The following GRIP1 variants were observed in gnomAD, a reference collection of about 807,000 sequenced individuals.
GRIP1 encodes the protein glutamate receptor interacting protein 1, also known as glutamate receptor-interacting protein 1.
A neutral mutation model predicts 129.9 loss-of-function variants in GRIP1; 45 were observed. The ratio of observed to expected loss-of-function variants is 0.35; its 90% CI spans 0.27 to 0.44. The LOEUF (loss-of-function observed/expected upper bound fraction) is 0.44, where lower values mean the gene tolerates loss of function less well. Ranked by LOEUF, GRIP1 falls within the 20% of genes least tolerant of loss-of-function variation. GRIP1 has a pLI of 1.00. For missense variants in GRIP1, 1,196 were observed against 1,396.8 expected, an observed-to-expected ratio of 0.86 and a Z score of 2.29; for synonymous variants, 530 against 520.8, an observed-to-expected ratio of 1.02 and a Z score of -0.24.
chr12:66,962,598 C>A (rs969638549), intron 1 of GRIP1, among the ~76,000 whole-genome samples: 1 of 152,062 alleles, frequency 6.6e-6, no homozygotes, highest in East Asian at 1.9e-4. Flanking sequence ...TTAAAGAAGA[C>A]GACAGATAAA....
chr12:67,020,591 G>A (rs1045597596), intron 1 of GRIP1, among the ~76,000 whole-genome samples: 1 of 151,986 alleles, frequency 6.6e-6, no homozygotes, highest in Non-Finnish European at 1.5e-5. Flanking sequence ...GTTTTGTAGA[G>A]ATGGGATCTC....
chr12:67,005,827 G>A (rs1283446475), intron 1 of GRIP1, among the ~76,000 whole-genome samples: 3 of 152,186 alleles, frequency 2.0e-5, no homozygotes, highest in Non-Finnish European at 2.9e-5. Context: ...TGGTAAATCA[G>A]CATTAAAACA....
At chr12:66,879,366 A>G (rs1021529788) in intron 1 of GRIP1, among the ~76,000 whole-genome samples, 1 of 152,106 alleles carries the variant, frequency 6.6e-6, no homozygotes, top group Non-Finnish European at 1.5e-5. Flanking sequence ...AACTCCCTCG[A>G]TGAATCCACA....
intron 2 of GRIP1, among the ~76,000 whole-genome samples, chr12:66,550,613 C>G (rs1457992379): frequency 1.3e-5 from 2 of 152,146 alleles, no homozygotes; most frequent in Non-Finnish European, 2.9e-5. Flanking sequence ...TTTAGAAACT[C>G]TGACCTAGAA....
At chr12:66,623,763 A>G (rs1460049685) in intron 1 of GRIP1, among the ~76,000 whole-genome samples, 3 of 152,136 alleles carry the variant, frequency 2.0e-5, no homozygotes, top group Admixed American at 6.6e-5. Context: ...TTCAGGATTA[A>G]AGACATTTCC....
At chr12:66,539,968 C>T (rs956931697) in intron 3 of GRIP1, among the ~76,000 whole-genome samples, 2 of 152,172 alleles carry the variant, frequency 1.3e-5, no homozygotes, top group Non-Finnish European at 2.9e-5. Flanking sequence ...CCTTCAATAA[C>T]ATTTTCTCCC....
chr12:66,460,394 C>T (rs900744812), intron 9 of GRIP1, among the ~76,000 whole-genome samples: 1 of 152,180 alleles, frequency 6.6e-6, no homozygotes, highest in Admixed American at 6.5e-5. Flanking sequence ...AGAGAGCAGA[C>T]CACAGTGGTT....
In GRIP1 at chr12:66,978,173, C is replaced by T. The variant is rs560005633; in HGVS notation, c.58+90877G>A. ...ACATTTTAGACTTTAAATCCAAACC[C>T]AGAAACTATCTCAACAAGAGTTAAT... On this transcript the variant is annotated intron_variant, in intron 1 of 1. Coordinates refer to the GRIP1 transcript ENST00000643019. Among the ~76,000 whole-genome samples the T allele has an allele frequency of 2.4e-4, 37 of 151,156 alleles. 1 individual carries two copies. The highest frequency in any genetic ancestry group is 1.8e-3 in the East Asian group (9 of 5,128).
chr12:66,521,984 G>A (rs1322263569), intron 5 of GRIP1, among the ~76,000 whole-genome samples: 1 of 152,230 alleles, frequency 6.6e-6, no homozygotes, highest in African/African-American at 2.4e-5. Context: ...GGATTGATTA[G>A]GTAAACAAAG....
intron 23 of GRIP1, among the ~76,000 whole-genome samples, chr12:66,359,715 C>G (rs1466043534): frequency 6.6e-6 from 1 of 152,158 alleles, no homozygotes; most frequent in African/African-American, 2.4e-5. Flanking sequence ...TATGGTTCTC[C>G]TGGAAGTAGC....
In GRIP1 at chr12:66,586,724, A is replaced by G. The variant is rs182297287; in HGVS notation, c.136+10123T>C. Among the ~76,000 whole-genome samples the G allele has an allele frequency of 8.5e-5, 13 of 152,200 alleles. No individual in the cohort carries two copies. The East Asian group carries it at 2.5e-3, about 29-fold the overall frequency. ...TCTTTTCCTCTCTCAGCCCACATCC[A>G]ATTTGTCAGTAGGTTATTTAGGTTC... On this transcript the variant is annotated intron_variant, in intron 2 of 24. Transcript: ENST00000359742.
At chr12:67,013,711 T>C (rs746897229) in intron 1 of GRIP1, among the ~76,000 whole-genome samples, 3 of 152,168 alleles carry the variant, frequency 2.0e-5, no homozygotes, top group African/African-American at 4.8e-5. Flanking sequence ...GAGAATGTGG[T>C]TGTCTGCCCA....
At chr12:66,729,971 G>A (rs926268882) in intron 1 of GRIP1, among the ~76,000 whole-genome samples, 3 of 152,282 alleles carry the variant, frequency 2.0e-5, no homozygotes, top group Non-Finnish European at 2.9e-5. Context: ...GCATCATAGC[G>A]ATAACTAGAA....
At chr12:66,425,712 T>C (rs2057960267) in intron 14 of GRIP1, among the ~76,000 whole-genome samples, 1 of 151,712 alleles carries the variant, frequency 6.6e-6, no homozygotes, top group South Asian at 2.1e-4. Context: ...CTCAGCAAAC[T>C]ATCGCAAGGA....
chr12:66,705,684 C>T lies in GRIP1; in HGVS notation c.-419-75348G>A, dbSNP rs144974370. On this transcript the variant is annotated intron_variant, in intron 1 of 4. Coordinates refer to the GRIP1 transcript ENST00000538373. ...TACAAGGCTACAGTAACCAAAACAGCATGGTACTGGTACCAAAACAGACAT... is the reference window on the plus strand; with the variant it reads ...TACAAGGCTACAGTAACCAAAACAGTATGGTACTGGTACCAAAACAGACAT... Among the ~76,000 whole-genome samples, 559 of 152,278 alleles carry T rather than the reference C, an allele frequency of 3.7e-3. 1 individual carries two copies. Among genetic ancestry groups the T allele is most frequent in the Middle Eastern group, 0.014 (4 of 294 alleles).
chr12:66,518,331 C>T (rs1417678029), intron 5 of GRIP1, among the ~76,000 whole-genome samples: 1 of 151,848 alleles, frequency 6.6e-6, no homozygotes, highest in Non-Finnish European at 1.5e-5. Flanking sequence ...TCAAACTGAT[C>T]TAAAATACTG....
chr12:66,746,314 C>T (rs2036943945), intron 1 of GRIP1, among the ~76,000 whole-genome samples: 2 of 152,138 alleles, frequency 1.3e-5, no homozygotes, highest in Admixed American at 6.6e-5. Context: ...GGATACATTG[C>T]ATATTTCATA....
At position 66,994,797 on chromosome 12, in the gene GRIP1, CATT is replaced by C. The variant is rs917309521; in HGVS notation, c.58+74250_58+74252del. Among the ~76,000 whole-genome samples the C allele has an allele frequency of 5.3e-4, 80 of 152,008 alleles. No homozygotes were observed. In the East Asian group the frequency reaches 0.014, roughly 28 times the overall value. On this transcript the variant is annotated intron_variant, in intron 1 of 1. Transcript: ENST00000643019. ...AATTAATCTACAGATTTAAAATAATCATTATCAAAATTTCATCTCTATTTTGCA... is the reference window on the plus strand; with the variant it reads ...AATTAATCTACAGATTTAAAATAATCATCAAAATTTCATCTCTATTTTGCA...
At chr12:66,611,574 T>A (rs1020705250) in intron 1 of GRIP1, among the ~76,000 whole-genome samples, 12 of 152,166 alleles carry the variant, frequency 7.9e-5, no homozygotes, top group Non-Finnish European at 1.8e-4. Context: ...CTGTAAGCCC[T>A]CAGAAACATT....
Sources: gnomAD v4.1 joint callset for allele counts (sites outside exome capture counted in the v4.1 genomes callset) on GRCh38, gnomAD v4.1.1 for gene constraint, MANE v1.5 for transcripts, NCBI Gene and HGNC (gene_info 2026-07-23, HGNC 2026-07-21) for gene names.